Variants in RUNX2 observed in about 807,000 individuals in gnomAD.
RUNX2 encodes the protein RUNX family transcription factor 2.
RUNX2 carries 10 observed loss-of-function variants against 51.7 expected under a neutral mutation model. The ratio of observed to expected loss-of-function variants is 0.19; its 90% confidence interval spans 0.12 to 0.33. The LOEUF is 0.33. RUNX2 is among the 10% of genes least tolerant of loss of function. RUNX2 has a pLI of 1.00. For missense variants in RUNX2, 562 were observed against 691.3 expected (o/e 0.81, Z 2.10); for synonymous variants, 276 against 273.6 (o/e 1.01, Z -0.09).
intron 6 of RUNX2, among the ~76,000 whole-genome samples, chr6:45,497,793 G>T (rs1800689318): frequency 6.6e-6 from 1 of 152,134 alleles, no homozygotes; most frequent in African/African-American, 2.4e-5. Context: ...GTCTTACACG[G>T]TACCTGCTTA....
At chr6:45,540,117 C>T (rs1180436009) in intron 7 of RUNX2, among the ~76,000 whole-genome samples, 5 of 152,114 alleles carry the variant, frequency 3.3e-5, no homozygotes, top group African/African-American at 9.7e-5. Context: ...ATCACTCCAC[C>T]AGGAAGAGGG....
intron 6 of RUNX2, among the ~76,000 whole-genome samples, chr6:45,501,018 C>A (rs1582178799): frequency 6.6e-6 from 1 of 152,140 alleles, no homozygotes; most frequent in Non-Finnish European, 1.5e-5. Context: ...TCCGTGTGTT[C>A]GTTCAGGTGG....
At chr6:45,470,727 G>A (rs1488518567) in intron 5 of RUNX2, among the ~76,000 whole-genome samples, 1 of 152,148 alleles carries the variant, frequency 6.6e-6, no homozygotes, top group Non-Finnish European at 1.5e-5. Flanking sequence ...CCTTTTTGTA[G>A]CACCATGATT....
chr6:45,439,473 A>C (rs1351892299), intron 5 of RUNX2, among the ~76,000 whole-genome samples: 2 of 152,218 alleles, frequency 1.3e-5, no homozygotes, highest in Non-Finnish European at 2.9e-5. Context: ...TTATGATGGA[A>C]GATGTCTTCT....
At chr6:45,525,265 C>T (rs1210382412) in intron 7 of RUNX2, among the ~76,000 whole-genome samples, 1 of 152,172 alleles carries the variant, frequency 6.6e-6, no homozygotes, top group Non-Finnish European at 1.5e-5. Context: ...CCTCACATAA[C>T]CTCTTTAATC....
intron 5 of RUNX2, among the ~76,000 whole-genome samples, chr6:45,485,353 C>G (rs1467879214): frequency 6.6e-6 from 1 of 152,028 alleles, no homozygotes; most frequent in South Asian, 2.1e-4. Flanking sequence ...CAGGCATGTG[C>G]CATCACGCCT....
intron 5 of RUNX2, among the ~76,000 whole-genome samples, chr6:45,474,320 C>CT (rs1799890613): frequency 6.6e-6 from 1 of 151,344 alleles, no homozygotes; most frequent in Non-Finnish European, 1.5e-5. Flanking sequence ...TGGGAATAAA[C>CT]TAAGTTAGGA....
intron 4 of RUNX2, among the ~76,000 whole-genome samples, chr6:45,434,640 G>C (rs1798631796): frequency 6.6e-6 from 1 of 151,980 alleles, no homozygotes; most frequent in African/African-American, 2.4e-5. Context: ...GGTTTTTCAT[G>C]GTTTTTCCTT....
intron 3 of RUNX2, among the ~76,000 whole-genome samples, chr6:45,424,197 A>G (rs1320637138): frequency 6.6e-6 from 1 of 152,100 alleles, no homozygotes; most frequent in Non-Finnish European, 1.5e-5. Flanking sequence ...GGTGCTCCGC[A>G]GGTTGAGGTT....
At chr6:45,367,827 C>T (rs1795403409) in intron 2 of RUNX2, among the ~76,000 whole-genome samples, 1 of 152,134 alleles carries the variant, frequency 6.6e-6, no homozygotes, top group East Asian at 1.9e-4. Flanking sequence ...CCATGATCAT[C>T]CTTTCACAGT....
At chr6:45,513,970 AG>A (rs1279519971) in intron 7 of RUNX2, among the ~76,000 whole-genome samples, 1 of 152,190 alleles carries the variant, frequency 6.6e-6, no homozygotes, top group East Asian at 1.9e-4. Flanking sequence ...TCATACTGAG[AG>A]GCTGTTTTGT....
intron 7 of RUNX2, among the ~76,000 whole-genome samples, chr6:45,524,058 A>C (rs556409303): frequency 2.0e-5 from 3 of 152,330 alleles, no homozygotes; most frequent in Non-Finnish European, 4.4e-5. Context: ...GTTCAAAGTC[A>C]TTTGTGGACA....
intron 2 of RUNX2, among the ~76,000 whole-genome samples, chr6:45,383,094 A>G (rs1382090957): frequency 6.6e-6 from 1 of 152,172 alleles, no homozygotes; most frequent in African/African-American, 2.4e-5. Flanking sequence ...TAAGTACATA[A>G]TTAAGCATGA....
chr6:45,431,950 G>T lies in RUNX2; in HGVS notation c.511G>T (p.Ala171Ser). The change falls in exon 4 of 9, where the codon GCC becomes TCC. Residue 171 changes from alanine to serine, a missense_variant. By Grantham distance (99) the Ala-to-Ser change is moderately conservative. This residue lies in a region of RUNX2 where 67 missense variants were observed against 106.5 expected (regional missense o/e 0.63). Transcript: ENST00000647337. ...DENYSAELRN[A>S]SAVMKNQVAR... The stretch of plus-strand genomic sequence containing the variant: ...AAATTATTCTGCTGAGCTCCGGAAT[G>T]CCTCTGCTGTTATGAAAAACCAAGT... 1 of 1,614,108 alleles carries T rather than the reference G, an allele frequency of 6.2e-7. No homozygotes were observed. Among genetic ancestry groups the T allele is most frequent in the Non-Finnish European group, 8.5e-7 (1 of 1,180,000 alleles).
intron 2 of RUNX2, among the ~76,000 whole-genome samples, chr6:45,331,085 C>T (rs746304935): frequency 6.6e-6 from 1 of 150,980 alleles, no homozygotes; most frequent in Non-Finnish European, 1.5e-5. Context: ...ACAACTGCTT[C>T]ACCTCAAATA....
At chr6:45,427,325 C>T (rs1367600262) in intron 3 of RUNX2, among the ~76,000 whole-genome samples, 4 of 151,988 alleles carry the variant, frequency 2.6e-5, no homozygotes, top group Non-Finnish European at 5.9e-5. Flanking sequence ...TGATCTAAAC[C>T]ACCATGATAC....
chr6:45,429,601 G>A (rs1489918803), intron 3 of RUNX2, among the ~76,000 whole-genome samples: 1 of 152,126 alleles, frequency 6.6e-6, no homozygotes, highest in Non-Finnish European at 1.5e-5. Flanking sequence ...TATTCTCCAG[G>A]GAAAGGGAGG....
chr6:45,351,151 T>C (rs1208125682), intron 2 of RUNX2, among the ~76,000 whole-genome samples: 1 of 152,092 alleles, frequency 6.6e-6, no homozygotes, highest in Non-Finnish European at 1.5e-5. Flanking sequence ...GCTGCCAAAA[T>C]GGTTGAGGAC....
At chr6:45,372,104 T>G in intron 2 of RUNX2, 2 of 819,418 alleles carry the variant, frequency 2.4e-6, no homozygotes, top group Non-Finnish European at 2.9e-6. Context: ...GAAATATTAA[T>G]ATCTGACTAT....
Sources: gnomAD v4.1 joint callset for allele counts (sites outside exome capture counted in the v4.1 genomes callset) on GRCh38, gnomAD v4.1.1 for gene constraint, gnomAD v4.1.1 regional missense constraint, MANE v1.5 for transcripts, NCBI Gene and HGNC (gene_info 2026-07-23, HGNC 2026-07-21) for gene names.